The following ZNF536 variants were observed in gnomAD, a reference collection of about 807,000 sequenced individuals.
The protein encoded by ZNF536 is zinc finger protein 536.
Under a neutral mutation model 84.5 loss-of-function variants are expected in ZNF536, and 13 were observed. The observed-to-expected ratio is 0.15, with a 90% CI of 0.10 to 0.24. The LOEUF is 0.24. ZNF536 is among the 10% of genes least tolerant of loss of function. The pLI, the probability that ZNF536 is intolerant of heterozygous loss-of-function variation, is 1.00. For synonymous variants in ZNF536, 811 were observed against 742.5 expected (o/e 1.09, Z -1.50); for missense variants, 1,536 against 1,747.5 (o/e 0.88, Z 2.16).
intron 1 of ZNF536, among the ~76,000 whole-genome samples, chr19:30,566,910 G>T (rs552703861): frequency 5.9e-5 from 9 of 151,568 alleles, no homozygotes; most frequent in Admixed American, 1.3e-4. Flanking sequence ...GAGGGTCCCC[G>T]CATGTGGCCT....
In ZNF536 at chr19:30,277,436, A is replaced by G. The variant is rs61125132; in HGVS notation, c.-189-6636A>G. On this transcript the variant is annotated intron_variant, in intron 1 of 5. Coordinates refer to the ZNF536 transcript ENST00000585628. ...TTCTGTGAGCTTCTGATGTCTGTGTATCCTGAAAGCATTTAGATCGAACAG... is the reference window on the plus strand; with the variant it reads ...TTCTGTGAGCTTCTGATGTCTGTGTGTCCTGAAAGCATTTAGATCGAACAG... Among the ~76,000 whole-genome samples the G allele has an allele frequency of 4.1e-3, 621 of 152,298 alleles. 4 individuals carry two copies. Among genetic ancestry groups the G allele is most frequent in the African/African-American group, 0.014 (593 of 41,556 alleles).
At chr19:30,388,557 T>G (rs1320118803) in intron 1 of ZNF536, among the ~76,000 whole-genome samples, 1 of 152,114 alleles carries the variant, frequency 6.6e-6, no homozygotes, top group South Asian at 2.1e-4. Context: ...CCCTCCACGA[T>G]CGCCTCGTCC....
In ZNF536 at chr19:30,376,218, C is replaced by T. The variant is rs376834515; in HGVS notation, c.-3+3662C>T. 1.6e-4 allele frequency among the ~76,000 whole-genome samples: 24 copies of T among 152,252 alleles called. No homozygotes were observed. The East Asian group carries it at 2.9e-3, about 18-fold the overall frequency. The stretch of plus-strand genomic sequence containing the variant: ...CAGTGCCCAGTCTCCCTGGTCCATA[C>T]CTTGGCATCCCCTCTCCCCCAATCC... On this transcript the variant is annotated intron_variant, in intron 1 of 4. Transcript: ENST00000355537.
At chr19:30,316,888 G>A (rs896835172) in intron 2 of ZNF536, among the ~76,000 whole-genome samples, 2 of 152,196 alleles carry the variant, frequency 1.3e-5, no homozygotes, top group African/African-American at 2.4e-5. Context: ...CCGCCCTGCC[G>A]TGGCATGTAG....
At chr19:30,477,420 G>A (rs1334100137) in intron 2 of ZNF536, among the ~76,000 whole-genome samples, 1 of 152,114 alleles carries the variant, frequency 6.6e-6, no homozygotes. Context: ...TGTGTTGAAT[G>A]AATTTCTGCG....
intron 1 of ZNF536, among the ~76,000 whole-genome samples, chr19:30,394,713 T>G (rs2049742836): frequency 2.6e-5 from 4 of 152,164 alleles, no homozygotes; most frequent in Admixed American, 2.6e-4. Flanking sequence ...CTACTCCCAG[T>G]TCAGCCTCAC....
chr19:30,671,818 G>A (rs1338959338), intron 1 of ZNF536, among the ~76,000 whole-genome samples: 2 of 152,206 alleles, frequency 1.3e-5, no homozygotes, highest in Admixed American at 1.3e-4. Flanking sequence ...TTCCGACCCT[G>A]GGAGGCTGCC....
intron 1 of ZNF536, among the ~76,000 whole-genome samples, chr19:30,640,613 C>A (rs995048579): frequency 7.2e-5 from 11 of 152,206 alleles, no homozygotes. Context: ...CACCGTCTTA[C>A]CAGCCTGCAA....
chr19:30,602,412 G>T (rs1404735674), intron 1 of ZNF536, among the ~76,000 whole-genome samples: 2 of 152,222 alleles, frequency 1.3e-5, no homozygotes, highest in East Asian at 1.9e-4. Context: ...TGTGGGCTCT[G>T]TGCTGCGTGG....
rs913779552 is a variant in ZNF536, at chr19:30,324,095, A to G, written c.-119-28273A>G. Among the ~76,000 whole-genome samples, 9 of 151,356 alleles carry G rather than the reference A, an allele frequency of 5.9e-5. 1 individual carries two copies. The highest frequency in any genetic ancestry group is 2.2e-4 in the African/African-American group (9 of 41,138). On this transcript the variant is annotated intron_variant, in intron 2 of 5. Coordinates refer to the ZNF536 transcript ENST00000585628. ...ATCATCATCCATCATCTATTCATCC[A>G]TCTATCATCCATCATCATCCATCTG... is the stretch of plus-strand genomic sequence containing the variant.
At chr19:30,270,338 C>T (rs968438109) in intron 1 of ZNF536, among the ~76,000 whole-genome samples, 3 of 152,224 alleles carry the variant, frequency 2.0e-5, no homozygotes, top group Admixed American at 6.5e-5. Flanking sequence ...AGATGTCTGT[C>T]ATCCTTCTAT....
intron 2 of ZNF536, among the ~76,000 whole-genome samples, chr19:30,530,060 C>T (rs2044741283): frequency 6.6e-6 from 1 of 152,154 alleles, no homozygotes; most frequent in Admixed American, 6.5e-5. Flanking sequence ...AAGGTCCCCT[C>T]CAGGGACATC....
chr19:30,413,691 CT>C (rs1257746100), intron 1 of ZNF536, among the ~76,000 whole-genome samples: 3 of 152,146 alleles, frequency 2.0e-5, no homozygotes, highest in African/African-American at 7.2e-5. Context: ...ACATTACCCG[CT>C]TTTGCATTAT....
chr19:30,433,340 A>C lies in ZNF536; in HGVS notation c.-2-10221A>C, dbSNP rs145152934. Among the ~76,000 whole-genome samples the C allele has an allele frequency of 2.4e-4, 37 of 152,218 alleles. No individual in the cohort carries two copies. In the East Asian group the frequency reaches 6.4e-3, roughly 26 times the overall value. On this transcript the variant is annotated intron_variant, in intron 1 of 4. Transcript: ENST00000355537. ...CCATCCATCTTCCCCCCACTTCCCC[A>C]ATTCAGCTTTTAAAGGCAAGGGTCT...
chr19:30,605,678 CT>C (rs1165346407), intron 1 of ZNF536, among the ~76,000 whole-genome samples: 2 of 152,134 alleles, frequency 1.3e-5, no homozygotes, highest in South Asian at 2.1e-4. Context: ...CATATAATGA[CT>C]TTTTTTCCTC....
At position 30,431,452 on chromosome 19, in the gene ZNF536, C is replaced by T. The variant is rs147815352; in HGVS notation, c.-2-12109C>T. Among the ~76,000 whole-genome samples the T allele has an allele frequency of 9.9e-4, 150 of 152,282 alleles. 1 individual carries two copies. The highest frequency in any genetic ancestry group is 3.4e-3 in the African/African-American group (141 of 41,554). On this transcript the variant is annotated intron_variant, in intron 1 of 4. Coordinates refer to ENST00000355537, the MANE Select transcript of ZNF536 (RefSeq NM_014717.3). The stretch of plus-strand genomic sequence containing the variant: ...CTTAGTAATGATCGTGCTTACTTAC[C>T]GGATGATGTGTATCTGAGCTTATGT...
intron 1 of ZNF536, among the ~76,000 whole-genome samples, chr19:30,563,087 G>A (rs2046229415): frequency 6.6e-6 from 1 of 152,066 alleles, no homozygotes; most frequent in African/African-American, 2.4e-5. Flanking sequence ...ATTATTTTAG[G>A]CTTTCTGCAG....
intron 2 of ZNF536, among the ~76,000 whole-genome samples, chr19:30,527,713 TA>T (rs199828712): frequency 4.0e-5 from 6 of 151,878 alleles, no homozygotes; most frequent in Non-Finnish European, 5.9e-5. Context: ...TTTAAATAAT[TA>T]AAAAAAATAA....
chr19:30,640,116 A>G (rs1249615964), intron 1 of ZNF536, among the ~76,000 whole-genome samples: 1 of 152,098 alleles, frequency 6.6e-6, no homozygotes, highest in African/African-American at 2.4e-5. Context: ...GCGTGGTGGC[A>G]CGTGCCTGTA....
Sources: gnomAD v4.1 joint callset for allele counts (sites outside exome capture counted in the v4.1 genomes callset) on GRCh38, gnomAD v4.1.1 for gene constraint, MANE v1.5 for transcripts, NCBI Gene and HGNC (gene_info 2026-07-23, HGNC 2026-07-21) for gene names.